Variants in PRR5L observed in about 807,000 individuals in gnomAD.
PRR5L encodes the protein proline rich 5 like, also known as proline-rich protein 5-like.
In PRR5L, 21 loss-of-function variants were observed where a neutral mutation model predicts 36.4. That is an observed-to-expected ratio of 0.58 (90% CI 0.41 to 0.83). PRR5L has a LOEUF of 0.83. Among genes scored for constraint, PRR5L ranks in the 40% least tolerant of loss-of-function variants. The probability of loss-of-function intolerance (pLI) is 0.00; values close to 1 mark genes in which losing one functional copy is unlikely to be tolerated. For missense variants in PRR5L, 381 were observed against 473.3 expected (o/e 0.80, Z 1.81); for synonymous variants, 188 against 197.0 (o/e 0.95, Z 0.38).
chr11:36,374,449 A>T (rs1337167399), intron 1 of PRR5L, among the ~76,000 whole-genome samples: 1 of 143,314 alleles, frequency 7.0e-6, no homozygotes, highest in Non-Finnish European at 1.5e-5. Flanking sequence ...AGATGCTATT[A>T]AAAAAAAAAA....
At chr11:36,446,034 C>T (rs1254347447) in intron 6 of PRR5L, among the ~76,000 whole-genome samples, 1 of 152,196 alleles carries the variant, frequency 6.6e-6, no homozygotes, top group South Asian at 2.1e-4. Flanking sequence ...CCACTCATAG[C>T]ACTTATAATA....
intron 1 of PRR5L, among the ~76,000 whole-genome samples, chr11:36,376,900 C>T (rs1300740826): frequency 6.6e-6 from 1 of 151,994 alleles, no homozygotes; most frequent in African/African-American, 2.4e-5. Flanking sequence ...TCCGATCGGA[C>T]GCTGCAGGCA....
intron 4 of PRR5L, 52 bp downstream of exon 4, chr11:36,419,355 G>C: frequency 6.7e-7 from 1 of 1,481,510 alleles, no homozygotes; most frequent in Non-Finnish European, 9.4e-7. Context: ...TGGGGGCATG[G>C]ACCTAAAAGG....
At chr11:36,307,572 T>G (rs564204324) in intron 1 of PRR5L, among the ~76,000 whole-genome samples, 1 of 152,160 alleles carries the variant, frequency 6.6e-6, no homozygotes, top group African/African-American at 2.4e-5. Flanking sequence ...ACATCTAGAA[T>G]AGCAGAAGGC....
At chr11:36,318,463 G>A (rs573080453) in intron 1 of PRR5L, among the ~76,000 whole-genome samples, 1 of 147,710 alleles carries the variant, frequency 6.8e-6, no homozygotes, top group Non-Finnish European at 1.5e-5. Flanking sequence ...GTGAATCTGC[G>A]AAGTCCTGCC....
At chr11:36,305,918 T>C (rs1219915631) in intron 1 of PRR5L, among the ~76,000 whole-genome samples, 2 of 152,242 alleles carry the variant, frequency 1.3e-5, no homozygotes, top group African/African-American at 2.4e-5. Context: ...AAAGCTGTTA[T>C]TAAGTAAAGT....
At position 36,446,817 on chromosome 11, in the gene PRR5L, A is replaced by G. The variant is rs184948920; in HGVS notation, c.585+377A>G. Among the ~76,000 whole-genome samples the G allele has an allele frequency of 1.4e-4, 22 of 152,320 alleles. No homozygotes were observed. In the East Asian group the frequency reaches 3.7e-3, roughly 25 times the overall value. On this transcript the variant is annotated intron_variant, in intron 7 of 8. Coordinates refer to ENST00000530639, the MANE Select transcript of PRR5L (RefSeq NM_001160167.2). The stretch of plus-strand genomic sequence containing the variant: ...ATGAGGAACTCCCTGAAAAGCTCCT[A>G]GGGCAGATGGACTTCAGGAGGGATT...
chr11:36,428,368 T>C (rs1468925490), intron 4 of PRR5L, among the ~76,000 whole-genome samples: 5 of 152,194 alleles, frequency 3.3e-5, no homozygotes, highest in African/African-American at 1.2e-4. Flanking sequence ...CAACTGCAAG[T>C]GGAGGCCTTC....
At chr11:36,401,377 C>G in intron 2 of PRR5L, 92 bp downstream of exon 2, 1 of 1,271,212 alleles carries the variant, frequency 7.9e-7, no homozygotes, top group South Asian at 1.3e-5. Context: ...TCTGCTGATT[C>G]TGGGAAGGCC....
chr11:36,347,401 ATGG>A (rs749211041), intron 1 of PRR5L, among the ~76,000 whole-genome samples: 1 of 152,168 alleles, frequency 6.6e-6, no homozygotes, highest in Non-Finnish European at 1.5e-5. Context: ...CTAGTTTGAG[ATGG>A]TGGTAATGAA....
intron 1 of PRR5L, among the ~76,000 whole-genome samples, chr11:36,318,002 C>A (rs1172162682): frequency 6.6e-6 from 1 of 152,162 alleles, no homozygotes; most frequent in Non-Finnish European, 1.5e-5. Context: ...TCAATGACTG[C>A]ATATATGATG....
intron 4 of PRR5L, 47 bp from the exon 5 acceptor site, chr11:36,431,806 G>A (rs891789481): frequency 3.2e-6 from 5 of 1,568,450 alleles, no homozygotes; most frequent in Admixed American, 1.7e-5. Flanking sequence ...CATCACTTAC[G>A]CTCTGGAGTT....
rs749639682 is a variant in PRR5L at position 36,403,320 on chromosome 11, G to C, written c.187G>C (p.Val63Leu). 11 of 1,614,026 alleles carry C rather than the reference G, an allele frequency of 6.8e-6. No homozygotes were observed. Among genetic ancestry groups the C allele is most frequent in the Non-Finnish European group, 9.3e-6 (11 of 1,180,018 alleles). Residue 63 changes from valine to leucine, a missense_variant, in exon 3 of 9, where the codon GTT becomes CTT. Physicochemically the swap from Val to Leu is conservative, Grantham distance 32 (BLOSUM62 1). Coordinates refer to ENST00000530639, the MANE Select transcript of PRR5L (RefSeq NM_001160167.2). ...WNSVQTAVIN[V>L]FKGGGLQSNE... ...TAGCGTTCAGACTGCTGTGATCAACGTTTTCAAAGGGGGTGGCTTGCAAAG... is the reference window on the plus strand; with the variant it reads ...TAGCGTTCAGACTGCTGTGATCAACCTTTTCAAAGGGGGTGGCTTGCAAAG...
intron 1 of PRR5L, among the ~76,000 whole-genome samples, chr11:36,396,666 C>G (rs1336188488): frequency 1.3e-5 from 2 of 152,196 alleles, no homozygotes; most frequent in African/African-American, 4.8e-5. Flanking sequence ...TAATCCTCCT[C>G]CAACCCTCAG....
intron 7 of PRR5L, among the ~76,000 whole-genome samples, chr11:36,449,139 T>G (rs538339165): frequency 1.6e-4 from 25 of 152,288 alleles, no homozygotes; most frequent in South Asian, 6.2e-4. Flanking sequence ...GGGATGTGAC[T>G]GTGAAGAACC....
intron 1 of PRR5L, among the ~76,000 whole-genome samples, chr11:36,355,611 G>A (rs1430377435): frequency 1.3e-5 from 2 of 149,336 alleles, no homozygotes; most frequent in Non-Finnish European, 3.0e-5. Context: ...GTACAGTGGT[G>A]CAATCTCAGC....
At chr11:36,305,854 G>A (rs1003657402) in intron 1 of PRR5L, among the ~76,000 whole-genome samples, 4 of 152,276 alleles carry the variant, frequency 2.6e-5, no homozygotes, top group South Asian at 2.1e-4. Flanking sequence ...AGTTTATGGC[G>A]TTTTGTTATA....
intron 1 of PRR5L, among the ~76,000 whole-genome samples, chr11:36,378,580 G>T (rs1857316943): frequency 6.6e-6 from 1 of 152,140 alleles, no homozygotes; most frequent in African/African-American, 2.4e-5. Flanking sequence ...AGACTACTTT[G>T]TTTCTCAAGG....
At chr11:36,398,202 CA>C (rs1857709885) in intron 1 of PRR5L, among the ~76,000 whole-genome samples, 2 of 152,238 alleles carry the variant, frequency 1.3e-5, no homozygotes, top group Non-Finnish European at 2.9e-5. Context: ...GAATAGCTCT[CA>C]CAGTCCTGGC....
Sources: allele counts gnomAD v4.1 joint callset (sites outside exome capture counted in the v4.1 genomes callset), GRCh38; gene constraint gnomAD v4.1.1; transcripts MANE v1.5; gene names NCBI Gene and HGNC (gene_info 2026-07-23, HGNC 2026-07-21).